Variants in HMCN2 observed in about 807,000 individuals in gnomAD.
HMCN2 encodes hemicentin-2.
In HMCN2, 325 loss-of-function variants were observed where a neutral mutation model predicts 377.5. The ratio of observed to expected loss-of-function variants is 0.86; its 90% CI spans 0.79 to 0.94. The LOEUF is 0.94. Among genes scored for constraint, HMCN2 ranks in the 40% least tolerant of loss-of-function variants. HMCN2 has a pLI of 0.00. For synonymous variants in HMCN2, 2,007 were observed against 2,046.8 expected (o/e 0.98, Z 0.53); for missense variants, 4,543 against 4,725.3 (o/e 0.96, Z 1.13).
rs899368152 is a variant in HMCN2, at chr9:130,359,864, G to T, written c.5773+450G>T. ...ATCTGAACTAGGCCCACCCTGCTTT[G>T]CTTGTTGCCTGTGAGCCCTGGGGAT... On this transcript the variant is annotated intron_variant, in intron 37 of 97. Transcript: ENST00000683500. 6.6e-5 allele frequency among the ~76,000 whole-genome samples: 10 copies of T among 152,248 alleles called. No homozygotes were observed. In the East Asian group the frequency reaches 1.2e-3, roughly 18 times the overall value.
At chr9:130,399,675 C>T (rs1300624711) in intron 76 of HMCN2, 43 bp downstream of exon 76, 2 of 1,245,272 alleles carry the variant, frequency 1.6e-6, no homozygotes, top group African/African-American at 1.5e-5. Flanking sequence ...GGGGTGGGGG[C>T]AGCGCCTTCC....
At chr9:130,324,609 CCT>C (rs1172606267) in intron 19 of HMCN2, among the ~76,000 whole-genome samples, 1 of 151,536 alleles carries the variant, frequency 6.6e-6, no homozygotes, top group Non-Finnish European at 1.5e-5. Context: ...AGATGGGTTC[CCT>C]CTTAGTGGTT....
chr9:130,421,611 C>T (rs1355910723), intron 86 of HMCN2, among the ~76,000 whole-genome samples: 1 of 152,180 alleles, frequency 6.6e-6, no homozygotes, highest in East Asian at 1.9e-4. Flanking sequence ...TCATCTGCAG[C>T]TCCCGATCTC....
Position 130,349,142 on chromosome 9 carries a change from C to T in HMCN2, c.4303+11C>T. On this transcript the variant is annotated intron_variant, in intron 28 of 97. Coordinates refer to ENST00000683500, the MANE Select transcript of HMCN2 (RefSeq NM_001291815.2). ...ATCTCCTTGTGCTCAGTGAGTGAGACCTGAGCCCTGTAACTCCCAAGTGTG... is the reference window on the plus strand; with the variant it reads ...ATCTCCTTGTGCTCAGTGAGTGAGATCTGAGCCCTGTAACTCCCAAGTGTG... 7.7e-7 allele frequency: 1 copy of T among 1,302,392 alleles called. No individual in the cohort carries two copies. The highest frequency in any genetic ancestry group is 1.0e-6 in the Non-Finnish European group (1 of 987,704). 80.7% of individuals were successfully genotyped at this position (1,302,392 alleles called of 1,614,324 possible).
chr9:130,283,065 T>C (rs1554926305), intron 1 of HMCN2, among the ~76,000 whole-genome samples: 3 of 152,168 alleles, frequency 2.0e-5, no homozygotes, highest in African/African-American at 7.2e-5. Context: ...AGCGAGACTC[T>C]TTCTCAATAA....
chr9:130,376,591 C>A lies in HMCN2; in HGVS notation c.7994C>A (p.Thr2665Asn), dbSNP rs570451140. The change falls in exon 52 of 98, where the codon ACC becomes AAC. Residue 2665 changes from threonine to asparagine, a missense_variant. Physicochemically the swap from Thr to Asn is moderately conservative, Grantham distance 65. Coordinates refer to ENST00000683500, the MANE Select transcript of HMCN2 (RefSeq NM_001291815.2). ...GAGGTGAAGACCAAGGTCAACAGCACCTTGACCTTGGAGTGTGAGAGCTGG... is the reference window on the plus strand; with the variant it reads ...GAGGTGAAGACCAAGGTCAACAGCAACTTGACCTTGGAGTGTGAGAGCTGG... ...VKEVKTKVNS[T>N]LTLECESWAV... 9.3e-5 allele frequency: 92 copies of A among 985,514 alleles called. No homozygotes were observed. The highest frequency in any genetic ancestry group is 1.0e-4 in the Non-Finnish European group (83 of 829,762). 61.0% of individuals were successfully genotyped at this position (985,514 alleles called of 1,614,324 possible).
Position 130,394,484 on chromosome 9 carries a change from C to G in HMCN2, c.10601C>G (p.Pro3534Arg). The change falls in exon 69 of 98, where the codon CCC (proline) becomes CGC (arginine). Residue 3534 changes from proline (P) to arginine (R), a missense_variant. By Grantham distance (103) the Pro-to-Arg change is moderately radical (BLOSUM62 -2). Around this residue, in one of 5 missense-constraint regions of HMCN2, gnomAD observed 1,073 missense variants for 1,319.5 expected, o/e 0.81. Coordinates refer to ENST00000683500, the MANE Select transcript of HMCN2 (RefSeq NM_001291815.2). This position sits in a 1 kb window ranked among gnomAD's most constrained non-coding sequence, Gnocchi z 5.1. ...LLCDAQGTPQ[P>R]NITWHKDGQA... ...TGTGATGCCCAGGGCACCCCCCAGC[C>G]CAACATCACCTGGCATAAGGACGGG... is the stretch of plus-strand genomic sequence containing the variant. The G allele has an allele frequency of 7.8e-7, 1 of 1,289,850 alleles. No individual in the cohort carries two copies. The highest frequency in any genetic ancestry group is 1.0e-6 in the Non-Finnish European group (1 of 988,868). 79.9% of individuals were successfully genotyped at this position (1,289,850 alleles called of 1,614,324 possible).
intron 22 of HMCN2, among the ~76,000 whole-genome samples, chr9:130,331,008 A>ACACACAG (rs1838396739): frequency 1.9e-5 from 1 of 53,628 alleles, no homozygotes; most frequent in Admixed American, 1.8e-4. Flanking sequence ...CACACACACA[A>ACACACAG]ATAGCCGGAC....
At position 130,382,290 on chromosome 9, in the gene HMCN2, G is replaced by A; in HGVS notation, c.8538G>A (p.Leu2846=). 1 of 985,582 alleles carries A rather than the reference G, an allele frequency of 1.0e-6. No individual in the cohort carries two copies. Among genetic ancestry groups the A allele is most frequent in the Non-Finnish European group, 1.2e-6 (1 of 829,682 alleles). 61.1% of individuals were successfully genotyped at this position (985,582 alleles called of 1,614,324 possible). A position where few individuals can be genotyped will look rare whatever the true frequency, so the allele number is the denominator to read the frequency against. ...AGGACTGGCTGCACTACGAGCTGCT[G>A]GTGCTGAGTGAGTGGCGGGGCCTGC... ...VGEDWLHYEL[L]VLTPPVILGD... Residue 2846 remains leucine, a synonymous_variant, in exon 55 of 98, where the codon CTG becomes CTA. Coordinates refer to ENST00000683500, the MANE Select transcript of HMCN2 (RefSeq NM_001291815.2).
rs1844812705 is a variant in HMCN2, at chr9:130,432,414, A to C, written c.14768-15A>C. 6 of 1,550,648 alleles carry C rather than the reference A, an allele frequency of 3.9e-6. No individual in the cohort carries two copies. The highest frequency in any genetic ancestry group is 5.2e-6 in the Non-Finnish European group (6 of 1,146,948). ...TTTCATCTCCCTCCCCCGCTTCACCAACTTCCCCATCCAGACATCAACGAG... is the reference window on the plus strand; with the variant it reads ...TTTCATCTCCCTCCCCCGCTTCACCCACTTCCCCATCCAGACATCAACGAG... On this transcript the variant is annotated splice_polypyrimidine_tract_variant and intron_variant, in intron 96 of 97. Transcript: ENST00000683500.
Position 130,431,356 on chromosome 9 carries a change from GC to G in HMCN2, c.14648-8del. ...CATCCCCCACCTGCCCCACCCCCAT[GC>G]CCGGGCCAGACCTTGACGAGTGCCG... On this transcript the variant is annotated splice_polypyrimidine_tract_variant and intron_variant, in intron 95 of 97. Coordinates refer to ENST00000683500, the MANE Select transcript of HMCN2 (RefSeq NM_001291815.2). 1.3e-6 allele frequency: 2 copies of G among 1,547,356 alleles called. No homozygotes were observed. The highest frequency in any genetic ancestry group is 8.7e-7 in the Non-Finnish European group (1 of 1,145,392).
chr9:130,346,734 C>T (rs1020527580), intron 25 of HMCN2, among the ~76,000 whole-genome samples: 1 of 152,014 alleles, frequency 6.6e-6, no homozygotes, highest in Non-Finnish European at 1.5e-5. Flanking sequence ...TGGCCCTCGT[C>T]GGGTGGGGGA....
In HMCN2 at chr9:130,396,213, G is replaced by A; in HGVS notation, c.11098G>A (p.Val3700Met). ...RSGPPAVNVSVNQTALLPCQA... is the reference protein window; with the variant it reads ...RSGPPAVNVSMNQTALLPCQA... ...AGGACCACCTGCAGTGAACGTCTCA[G>A]TGAACCAGACAGCCCTGCTGCCTTG... Residue 3700 changes from valine (V) to methionine (M), a missense_variant, in exon 73 of 98, where the codon GTG (valine) becomes ATG (methionine). Val to Met is a conservative substitution (Grantham distance 21). Around this residue, in one of 5 missense-constraint regions of HMCN2, gnomAD observed 1,073 missense variants for 1,319.5 expected, o/e 0.81. Transcript: ENST00000683500. The A allele has an allele frequency of 7.8e-7, 1 of 1,285,712 alleles. No homozygotes were observed. The highest frequency in any genetic ancestry group is 1.0e-6 in the Non-Finnish European group (1 of 985,554). The allele number at this position is 1,285,712 out of a possible 1,614,324, so 79.6% of individuals were successfully genotyped here.
chr9:130,408,976 A>G (rs770895170), intron 84 of HMCN2, 43 bp downstream of exon 84: 3 of 1,235,970 alleles, frequency 2.4e-6, no homozygotes, highest in African/African-American at 3.1e-5. Context: ...ACTGAGGACA[A>G]CTCTACGCTT....
chr9:130,427,652 C>G, intron 92 of HMCN2, 33 bp downstream of exon 92: 1 of 1,539,664 alleles, frequency 6.5e-7, no homozygotes, highest in Non-Finnish European at 8.8e-7. Flanking sequence ...GGAGGAGACG[C>G]GCTCCTCAGA....
intron 6 of HMCN2, among the ~76,000 whole-genome samples, chr9:130,296,147 G>T (rs1836139197): frequency 6.6e-6 from 1 of 152,154 alleles, no homozygotes; most frequent in Admixed American, 6.5e-5. Context: ...AATCTACAGG[G>T]TGCTGGGAGC....
In HMCN2 at chr9:130,277,469, G is replaced by A. The variant is rs913968182; in HGVS notation, c.260-7134G>A. Reference sequence around the variant, plus strand: ...TTGCAACTGGGGTCAGACTGACCTAGACTGGACTCTCATTTCTACTGCTTC... The same window carrying A: ...TTGCAACTGGGGTCAGACTGACCTAAACTGGACTCTCATTTCTACTGCTTC... On this transcript the variant is annotated intron_variant, in intron 1 of 97. Transcript: ENST00000683500. Among the ~76,000 whole-genome samples, 4 of 152,298 alleles carry A rather than the reference G, an allele frequency of 2.6e-5. 1 individual carries two copies. The highest frequency in any genetic ancestry group is 9.6e-5 in the African/African-American group (4 of 41,562).
chr9:130,297,885 C>G (rs1343742434), intron 7 of HMCN2, among the ~76,000 whole-genome samples: 1 of 152,120 alleles, frequency 6.6e-6, no homozygotes, highest in Non-Finnish European at 1.5e-5. Context: ...CTGGCCTGTC[C>G]CCAGTGGAAG....
At chr9:130,316,570 A>T (rs1173600536) in intron 15 of HMCN2, among the ~76,000 whole-genome samples, 2 of 152,162 alleles carry the variant, frequency 1.3e-5, no homozygotes, top group Admixed American at 6.5e-5. Flanking sequence ...CCATCCCCAC[A>T]AACAGGCAGC....
Sources: gnomAD v4.1 joint callset for allele counts (sites outside exome capture counted in the v4.1 genomes callset) on GRCh38, gnomAD v4.1.1 for gene constraint, gnomAD v4.1.1 regional missense constraint, Gnocchi (gnomAD v3.1) non-coding constraint, MANE v1.5 for transcripts, NCBI Gene and HGNC (gene_info 2026-07-23, HGNC 2026-07-21) for gene names.